The following LAMA5 variants were observed in gnomAD, a reference collection of about 807,000 sequenced individuals.
LAMA5 encodes the protein laminin subunit alpha 5.
Under a neutral mutation model 433.4 loss-of-function variants are expected in LAMA5, and 260 were observed. That is an observed-to-expected ratio of 0.60 (90% confidence interval 0.54 to 0.66). LAMA5 has a LOEUF of 0.66. LAMA5 is among the 30% of genes least tolerant of loss of function. The probability of loss-of-function intolerance (pLI) is 0.00; values close to 1 mark genes in which losing one functional copy is unlikely to be tolerated. For missense variants in LAMA5, 5,378 were observed against 5,258.5 expected (o/e 1.02, Z -0.70); for synonymous variants, 2,620 against 2,226.6 (o/e 1.18, Z -4.97).
chr20:62,330,657 C>T, intron 30 of LAMA5, 43 bp from the exon 31 acceptor site: 1 of 1,568,872 alleles, frequency 6.4e-7, no homozygotes. Context: ...CTATGAGCCC[C>T]TGCTGCCCCC....
Position 62,346,570 on chromosome 20 carries a change from C to T in LAMA5, c.1218G>A (p.Glu406=), listed in dbSNP as rs1420075394. Residue 406 remains glutamate, a synonymous_variant, in exon 9 of 80, where the codon GAG becomes GAA. Transcript: ENST00000252999. Reference sequence around the variant, plus strand: ...AGCGGTAGAAGCCGGGCAGGCAGCGCTCACAGTTGACGCCGGTGGTGTGGT... The same window carrying T: ...AGCGGTAGAAGCCGGGCAGGCAGCGTTCACAGTTGACGCCGGTGGTGTGGT... ...CQHHTTGVNC[E]RCLPGFYRSP... The T allele has an allele frequency of 1.9e-6, 3 of 1,580,608 alleles. No homozygotes were observed. Among genetic ancestry groups the T allele is most frequent in the Non-Finnish European group, 2.6e-6 (3 of 1,163,442 alleles).
chr20:62,317,640 A>G (rs777085385), intron 54 of LAMA5, 22 bp downstream of exon 54: 1 of 1,529,648 alleles, frequency 6.5e-7, no homozygotes, highest in African/African-American at 1.4e-5. Context: ...GGGTGGCGAC[A>G]GGGGCCAGGG....
rs767244986 is a variant in LAMA5 at position 62,351,938 on chromosome 20, C to A, written c.829G>T (p.Ala277Ser). 2 of 1,610,834 alleles carry A rather than the reference C, an allele frequency of 1.2e-6. No individual in the cohort carries two copies. Among genetic ancestry groups the A allele is most frequent in the Admixed American group, 1.7e-5 (1 of 59,860 alleles). Residue 277 changes from alanine (A) to serine (S), a missense_variant, in exon 5 of 80, where the codon GCG becomes TCG. Coordinates refer to ENST00000252999, the MANE Select transcript of LAMA5 (RefSeq NM_005560.6). Reference sequence around the variant, plus strand: ...CGGGTGACCGTGGGGTCCCGCAGCGCCTTCCCCATGAGATGGCCCAGCAGC... The same window carrying A: ...CGGGTGACCGTGGGGTCCCGCAGCGACTTCCCCATGAGATGGCCCAGCAGC... Reference protein sequence around the residue: ...NTLLGHLMGKALRDPTVTRRY... With the variant: ...NTLLGHLMGKSLRDPTVTRRY...
chr20:62,314,383 GATACACCCA>G lies in LAMA5; in HGVS notation c.8416_8424del (p.Trp2806_Tyr2808del). On this transcript the variant is annotated inframe_deletion, in exon 62 of 80. Coordinates refer to ENST00000252999, the MANE Select transcript of LAMA5 (RefSeq NM_005560.6). ...ACTGCAGGGCCCGCCTCACCCAGCTGATACACCCAGTGCACCTTCTTGTCACGCAGAGAC... is the reference window on the plus strand; with the variant it reads ...ACTGCAGGGCCCGCCTCACCCAGCTGGTGCACCTTCTTGTCACGCAGAGAC... 1 of 1,613,478 alleles carries G rather than the reference GATACACCCA, an allele frequency of 6.2e-7. No individual in the cohort carries two copies. Among genetic ancestry groups the G allele is most frequent in the Non-Finnish European group, 8.5e-7 (1 of 1,179,950 alleles).
intron 18 of LAMA5, among the ~76,000 whole-genome samples, chr20:62,335,818 TC>T (rs5842386): frequency 0.77 from 91,777 of 119,672 alleles, 36,825 homozygotes; most frequent in East Asian, 0.93. Context: ...ACCCCAACAT[TC>T]CCTCCAGGAC....
intron 3 of LAMA5, 170 bp downstream of exon 3, chr20:62,352,964 G>T (rs1205953141): frequency 3.0e-5 from 17 of 560,706 alleles, no homozygotes; most frequent in Non-Finnish European, 4.7e-5. Context: ...AGGGACAGGA[G>T]CCAATAAATC....
chr20:62,348,410 T>C (rs900877539), intron 6 of LAMA5, among the ~76,000 whole-genome samples: 1 of 152,066 alleles, frequency 6.6e-6, no homozygotes, highest in African/African-American at 2.4e-5. Context: ...CGAGACCATC[T>C]GGCTAACAAG....
chr20:62,353,983 C>T (rs965169442), intron 2 of LAMA5, among the ~76,000 whole-genome samples: 1 of 152,092 alleles, frequency 6.6e-6, no homozygotes, highest in African/African-American at 2.4e-5. Flanking sequence ...TGCTGTGGCC[C>T]GGTGCACGTC....
intron 59 of LAMA5, 38 bp from the exon 60 acceptor site, chr20:62,314,985 G>T (rs770715112): frequency 6.3e-6 from 10 of 1,576,598 alleles, no homozygotes; most frequent in Non-Finnish European, 8.6e-6. Context: ...GCCCCCCACC[G>T]TGCCCGCCTC....
chr20:62,367,066 G>C lies in LAMA5; in HGVS notation c.180C>G (p.Ala60=). Residue 60 remains alanine, a synonymous_variant, in exon 1 of 80, where the codon GCC becomes GCG. Transcript: ENST00000252999. ...FNLAEGARIA[A]SATCGEEAPA... is the part of the protein sequence containing the mutation. ...GGGCCTCCTCTCCGCAGGTCGCGGA[G>C]GCGGCGATGCGGGCGCCCTCGGCCA... 7.9e-7 allele frequency: 1 copy of C among 1,263,068 alleles called. No homozygotes were observed. The highest frequency in any genetic ancestry group is 9.9e-7 in the Non-Finnish European group (1 of 1,006,838). 78.2% of individuals were successfully genotyped at this position (1,263,068 alleles called of 1,614,324 possible).
intron 43 of LAMA5, 111 bp from the exon 44 acceptor site, chr20:62,323,967 C>T (rs571302413): frequency 4.0e-5 from 57 of 1,415,018 alleles, no homozygotes; most frequent in East Asian, 1.0e-4. Context: ...CCAGACCTCA[C>T]GGACACCTCC....
In LAMA5 at chr20:62,313,277, C is replaced by T. The variant is rs1383616235; in HGVS notation, c.8793-27G>A. On this transcript the variant is annotated intron_variant, in intron 64 of 79. Coordinates refer to ENST00000252999, the MANE Select transcript of LAMA5 (RefSeq NM_005560.6). The stretch of plus-strand genomic sequence containing the variant: ...TGCAGGTCGGAGATTCTGGGGTCAG[C>T]GGAGGGTGGGGTGGGGTGGGTGGAG... 7.0e-5 allele frequency: 11 copies of T among 156,140 alleles called. No homozygotes were observed. In the African/African-American group the frequency reaches 1.0e-3, roughly 15 times the overall value. 9.7% of individuals were successfully genotyped at this position (156,140 alleles called of 1,614,324 possible). A position where few individuals can be genotyped will look rare whatever the true frequency, so the allele number is the denominator to read the frequency against.
chr20:62,337,124 C>A, intron 16 of LAMA5: 2 of 577,048 alleles, frequency 3.5e-6, no homozygotes, highest in South Asian at 1.6e-5. Context: ...AACACACCCA[C>A]ACGCCCGTGA....
At chr20:62,332,256 G>A in intron 28 of LAMA5, 116 bp downstream of exon 28, 1 of 722,356 alleles carries the variant, frequency 1.4e-6, no homozygotes, top group Non-Finnish European at 2.4e-6. Context: ...CTGGGCATGA[G>A]CGAGTGTGGC....
rs768711152 is a variant in LAMA5, at chr20:62,323,486, C to T, written c.6034G>A (p.Gly2012Ser). 3.2e-5 allele frequency: 50 copies of T among 1,549,960 alleles called. No homozygotes were observed. Among genetic ancestry groups the T allele is most frequent in the South Asian group, 1.2e-4 (10 of 84,336 alleles). ...RCEICAPGFY[G>S]NALLPGNCTR... Reference sequence around the variant, plus strand: ...CAGTTGCCGGGCAGCAGGGCGTTGCCGTAGAAGCCGGGGGCACAGATCTCG... The same window carrying T: ...CAGTTGCCGGGCAGCAGGGCGTTGCTGTAGAAGCCGGGGGCACAGATCTCG... The change falls in exon 45 of 80, where the codon GGC (glycine) becomes AGC (serine). Residue 2012 changes from glycine (G) to serine (S), a missense_variant. By Grantham distance (56) the Gly-to-Ser change is moderately conservative. Transcript: ENST00000252999.
intron 11 of LAMA5, among the ~76,000 whole-genome samples, chr20:62,340,953 C>T (rs993131858): frequency 3.3e-5 from 5 of 151,748 alleles, no homozygotes; most frequent in East Asian, 1.9e-4. Flanking sequence ...GCAGGAGAAT[C>T]GCTTGAACCT....
Position 62,311,258 on chromosome 20 carries a change from G to A in LAMA5, c.9992C>T (p.Pro3331Leu), listed in dbSNP as rs1986237919. The A allele has an allele frequency of 1.9e-6, 3 of 1,605,796 alleles. No homozygotes were observed. Among genetic ancestry groups the A allele is most frequent in the Non-Finnish European group, 2.5e-6 (3 of 1,177,448 alleles). ...QPARHPACML[P>L]PHLRTTRDSY... is the part of the protein sequence containing the mutation. ...GTCTCGGGTGGTCCTGAGGTGTGGG[G>A]GCAGCATGCAGGCAGGATGCCGGGC... The change falls in exon 73 of 80, where the codon CCC (proline) becomes CTC (leucine). Residue 3331 changes from proline to leucine, a missense_variant. Coordinates refer to ENST00000252999, the MANE Select transcript of LAMA5 (RefSeq NM_005560.6).
At chr20:62,313,873 GA>G (rs1268553694) in intron 62 of LAMA5, 71 bp from the exon 63 acceptor site, 2 of 1,178,848 alleles carry the variant, frequency 1.7e-6, no homozygotes, top group Non-Finnish European at 2.4e-6. Context: ...ACGGAGAGAT[GA>G]GGGGTGGCGA....
rs146304356 is a variant in LAMA5, at chr20:62,323,853, G to A, written c.5772C>T (p.Phe1924=). Residue 1924 remains phenylalanine, a synonymous_variant, in exon 44 of 80, where the codon TTC becomes TTT. Transcript: ENST00000252999. Reference sequence around the variant, plus strand: ...CGCCTCGCAGGACACAGCCCTCGGCGAAGCTGCAAAGACCAGCAGCGTCAG... The same window carrying A: ...CGCCTCGCAGGACACAGCCCTCGGCAAAGCTGCAAAGACCAGCAGCGTCAG... ...PCPLSVPSNN[F]AEGCVLRGGR... 6.2e-4 allele frequency: 1,000 copies of A among 1,603,718 alleles called. 2 individuals carry two copies. The highest frequency in any genetic ancestry group is 3.0e-3 in the South Asian group (271 of 90,002).
Sources: allele counts gnomAD v4.1 joint callset (sites outside exome capture counted in the v4.1 genomes callset), GRCh38; gene constraint gnomAD v4.1.1; transcripts MANE v1.5; gene names NCBI Gene and HGNC (gene_info 2026-07-23, HGNC 2026-07-21).